The following BDH2 variants were observed in gnomAD, a reference collection of about 807,000 sequenced individuals.
The protein encoded by BDH2 is 3-hydroxybutyrate dehydrogenase 2, also known as dehydrogenase/reductase SDR family member 6.
In BDH2, 24 loss-of-function variants were observed where a neutral mutation model predicts 33.2. The ratio of observed to expected loss-of-function variants is 0.72; its 90% confidence interval spans 0.52 to 1.02. BDH2 has a LOEUF of 1.02. BDH2 is among the 50% of genes least tolerant of loss of function. BDH2 has a pLI of 0.00. For synonymous variants in BDH2, 81 were observed against 101.6 expected (o/e 0.80, Z 1.22); for missense variants, 249 against 301.6 (o/e 0.83, Z 1.29).
chr4:103,096,166 A>G lies in BDH2; in HGVS notation c.72+17T>C, dbSNP rs1748392193. ...GAGTTAGTAGGCAAACAACAAAGAT[A>G]GTAACTTATAACTTACTAAGGCAGC... On this transcript the variant is annotated intron_variant, in intron 2 of 9. Transcript: ENST00000296424. 1.3e-6 allele frequency: 2 copies of G among 1,592,700 alleles called. No homozygotes were observed. Among genetic ancestry groups the G allele is most frequent in the South Asian group, 1.1e-5 (1 of 89,912 alleles).
chr4:103,091,386 CTCTT>C (rs1433778419), intron 4 of BDH2, 101 bp from the exon 5 acceptor site: 2 of 695,778 alleles, frequency 2.9e-6, no homozygotes, highest in Admixed American at 4.7e-5. Flanking sequence ...AGACCACTGT[CTCTT>C]TCCCTTATCA....
At chr4:103,095,540 TA>T (rs1027054405) in intron 2 of BDH2, among the ~76,000 whole-genome samples, 22 of 152,112 alleles carry the variant, frequency 1.4e-4, no homozygotes, top group African/African-American at 3.6e-4. Flanking sequence ...ATAACGTTCT[TA>T]AAAAAATGAC....
intron 7 of BDH2, among the ~76,000 whole-genome samples, chr4:103,084,677 A>G (rs1395044086): frequency 6.6e-6 from 1 of 152,198 alleles, no homozygotes; most frequent in Non-Finnish European, 1.5e-5. Context: ...CTACGTTTAC[A>G]TTTCTGTTCC....
chr4:103,086,282 T>C (rs1339338250), intron 6 of BDH2, 198 bp downstream of exon 6: 1 of 1,323,356 alleles, frequency 7.6e-7, no homozygotes, highest in Non-Finnish European at 9.6e-7. Flanking sequence ...CCCCACATTT[T>C]AATTTAATTT....
chr4:103,079,784 C>G (rs749657607), intron 9 of BDH2, 29 bp from the exon 10 acceptor site: 8 of 1,601,424 alleles, frequency 5.0e-6, no homozygotes, highest in Non-Finnish European at 6.8e-6. Context: ...GGAGACAGAA[C>G]AATTAACCAG....
At chr4:103,096,920 C>A (rs984415095) in intron 1 of BDH2, among the ~76,000 whole-genome samples, 1 of 152,156 alleles carries the variant, frequency 6.6e-6, no homozygotes, top group African/African-American at 2.4e-5. Context: ...TTCCTCACTA[C>A]CACCATCACT....
Position 103,085,465 on chromosome 4 carries a change from G to A in BDH2, c.419-3C>T. On this transcript the variant is annotated splice_polypyrimidine_tract_variant and splice_region_variant and intron_variant, in intron 6 of 9. Coordinates refer to ENST00000296424, the MANE Select transcript of BDH2 (RefSeq NM_020139.4). ...GTACACACATCTGTTCACAACTCCT[G>A]AGGGTGGAGGAAAGGTTCAACAATT... 6.2e-7 allele frequency: 1 copy of A among 1,607,888 alleles called. No homozygotes were observed. The highest frequency in any genetic ancestry group is 1.1e-5 in the South Asian group (1 of 90,476).
chr4:103,084,661 C>T lies in BDH2; in HGVS notation c.532+688G>A, dbSNP rs113402448. 9.2e-3 allele frequency among the ~76,000 whole-genome samples: 1,401 copies of T among 152,262 alleles called. 19 individuals are homozygous for T. The highest frequency in any genetic ancestry group is 0.031 in the African/African-American group (1,278 of 41,544). On this transcript the variant is annotated intron_variant, in intron 7 of 9. Coordinates refer to ENST00000296424, the MANE Select transcript of BDH2 (RefSeq NM_020139.4). ...TCTCATGCATTCTTCTTTTTCTTAG[C>T]GTTACCTACGTTTACATTTCTGTTC...
chr4:103,097,057 T>C (rs1165203207), intron 1 of BDH2, among the ~76,000 whole-genome samples: 1 of 152,126 alleles, frequency 6.6e-6, no homozygotes, highest in African/African-American at 2.4e-5. Context: ...TGATTTTTTT[T>C]CTCTTGAAAA....
intron 1 of BDH2, chr4:103,099,463 C>T (rs891958122): frequency 6.6e-6 from 1 of 152,104 alleles, no homozygotes; most frequent in Admixed American, 6.5e-5. Context: ...ATGTTGGCTT[C>T]CTTAGTCCAA....
chr4:103,093,982 G>A (rs529675948), intron 3 of BDH2, among the ~76,000 whole-genome samples: 4 of 152,184 alleles, frequency 2.6e-5, no homozygotes, highest in African/African-American at 9.6e-5. Context: ...ACTAATTGCT[G>A]TTTGATTATG....
chr4:103,085,585 TA>T, intron 6 of BDH2, 123 bp from the exon 7 acceptor site: 1 of 1,439,180 alleles, frequency 6.9e-7, no homozygotes, highest in Non-Finnish European at 9.4e-7. Flanking sequence ...CCTCCCCTTT[TA>T]AAAAGATTGA....
rs1747391445 is a variant in BDH2 at position 103,079,154 on chromosome 4, G to T, written c.*548C>A. Among the ~76,000 whole-genome samples the T allele has an allele frequency of 6.6e-6, 1 of 152,170 alleles. No individual in the cohort carries two copies. Among genetic ancestry groups the T allele is most frequent in the African/African-American group, 2.4e-5 (1 of 41,450 alleles). ...TGATACATTAGGAGGTGGGGCCTTTGGGAGGTAATCAGGTCATAAGGGTAG... is the reference window on the plus strand; with the variant it reads ...TGATACATTAGGAGGTGGGGCCTTTTGGAGGTAATCAGGTCATAAGGGTAG... On this transcript the variant is annotated 3_prime_UTR_variant, in exon 10 of 10. Coordinates refer to ENST00000296424, the MANE Select transcript of BDH2 (RefSeq NM_020139.4).
chr4:103,081,355 T>G (rs894191712), intron 9 of BDH2, among the ~76,000 whole-genome samples: 1 of 152,226 alleles, frequency 6.6e-6, no homozygotes, highest in Admixed American at 6.5e-5. Context: ...TGGAGTGCAG[T>G]GGCGCAATCC....
rs1748574018 is a variant in BDH2 at position 103,099,800 on chromosome 4, T to C, written c.-38A>G. On this transcript the variant is annotated 5_prime_UTR_variant, in exon 1 of 10. Coordinates refer to ENST00000296424, the MANE Select transcript of BDH2 (RefSeq NM_020139.4). ...AATCTTACTTTAAGCAGCGAGCTGA[T>C]GGCGTTCTCCAGAACTCGGTTTGAG... The C allele has an allele frequency of 1.3e-5, 2 of 152,254 alleles. No homozygotes were observed. The highest frequency in any genetic ancestry group is 2.4e-5 in the African/African-American group (1 of 41,464). The allele number at this position is 152,254 out of a possible 1,614,324, so 9.4% of individuals were successfully genotyped here.
In BDH2 at chr4:103,092,645, A is replaced by C; in HGVS notation, c.203T>G (p.Phe68Cys). ...ATCAAGTCTCTCAACTTCATTGGCA[A>C]ACTGATCAATTTGTTTCTTCTTTGT... ...DVTKKKQIDQFANEVERLDVL... is the reference protein window; with the variant it reads ...DVTKKKQIDQCANEVERLDVL... Residue 68 changes from phenylalanine to cysteine, a missense_variant, in exon 4 of 10, where the codon TTT (phenylalanine) becomes TGT (cysteine). Transcript: ENST00000296424. The C allele has an allele frequency of 6.2e-7, 1 of 1,613,294 alleles. No individual in the cohort carries two copies. The highest frequency in any genetic ancestry group is 8.5e-7 in the Non-Finnish European group (1 of 1,179,438).
At position 103,079,118 on chromosome 4, in the gene BDH2, A is replaced by C. The variant is rs189405108; in HGVS notation, c.*584T>G. 3.5e-4 allele frequency among the ~76,000 whole-genome samples: 53 copies of C among 152,312 alleles called. No individual in the cohort carries two copies. The East Asian group carries it at 4.6e-3, about 13-fold the overall frequency. Reference sequence around the variant, plus strand: ...CCCCAGAGTCATGTGTTGACATCCTAACCTGCAATATGATACATTAGGAGG... The same window carrying C: ...CCCCAGAGTCATGTGTTGACATCCTCACCTGCAATATGATACATTAGGAGG... On this transcript the variant is annotated 3_prime_UTR_variant, in exon 10 of 10. Coordinates refer to ENST00000296424, the MANE Select transcript of BDH2 (RefSeq NM_020139.4).
chr4:103,088,992 G>C (rs1012450885), intron 5 of BDH2, among the ~76,000 whole-genome samples: 1 of 152,168 alleles, frequency 6.6e-6, no homozygotes. Flanking sequence ...GTGGAGCCTG[G>C]ATTCTGCATT....
At chr4:103,096,355 T>C (rs752725902) in intron 1 of BDH2, 81 bp from the exon 2 acceptor site, 1 of 856,042 alleles carries the variant, frequency 1.2e-6, no homozygotes, top group Admixed American at 2.2e-5. Context: ...AATAGTTCAG[T>C]GTGCTCTTTT....
Sources: gnomAD v4.1 joint callset for allele counts (sites outside exome capture counted in the v4.1 genomes callset) on GRCh38, gnomAD v4.1.1 for gene constraint, MANE v1.5 for transcripts, NCBI Gene and HGNC (gene_info 2026-07-23, HGNC 2026-07-21) for gene names.